SUGCT: variants seen among roughly 807,000 people sequenced by gnomAD.
SUGCT encodes succinyl-CoA:glutarate-CoA transferase.
SUGCT carries 41 observed loss-of-function variants against 55.0 expected under a neutral mutation model. The ratio of observed to expected loss-of-function variants is 0.74; its 90% CI spans 0.58 to 0.97. The LOEUF is 0.97. Ranked by LOEUF, SUGCT falls within the 50% of genes least tolerant of loss-of-function variation. SUGCT has a pLI of 0.00. For missense variants in SUGCT, 568 were observed against 547.8 expected (o/e 1.04, Z -0.37); for synonymous variants, 187 against 200.4 (o/e 0.93, Z 0.56).
chr7:40,589,864 C>T (rs1288776391), intron 12 of SUGCT, among the ~76,000 whole-genome samples: 1 of 152,166 alleles, frequency 6.6e-6, no homozygotes, highest in Non-Finnish European at 1.5e-5. Context: ...TTCTTTTGAT[C>T]TTTGCTCATT....
Position 40,545,471 on chromosome 7 carries a change from G to A in SUGCT, c.1089+49085G>A, listed in dbSNP as rs369981830. 1.8e-4 allele frequency among the ~76,000 whole-genome samples: 27 copies of A among 152,216 alleles called. No homozygotes were observed. In the East Asian group the frequency reaches 4.3e-3, roughly 24 times the overall value. On this transcript the variant is annotated intron_variant, in intron 12 of 13. Transcript: ENST00000335693. ...CTATTGCATTTTTCCTGGAGTTGAC[G>A]AGATGAGAAATCCTGACTTAATGGC...
At chr7:40,840,530 G>T (rs1793224132) in intron 13 of SUGCT, among the ~76,000 whole-genome samples, 1 of 150,300 alleles carries the variant, frequency 6.7e-6, no homozygotes, top group South Asian at 2.1e-4. Flanking sequence ...AATATAACAT[G>T]TCAAAATTTG....
intron 9 of SUGCT, among the ~76,000 whole-genome samples, chr7:40,360,959 C>T (rs1189713774): frequency 6.6e-6 from 1 of 152,056 alleles, no homozygotes; most frequent in Non-Finnish European, 1.5e-5. Context: ...GATGAAGAGA[C>T]AGCAAACAGG....
chr7:40,243,355 CATA>C lies in SUGCT; in HGVS notation c.576+5634_576+5636del, dbSNP rs1209103966. ...ATATGTGTAATGTTGTATTAGGTAC[CATA>C]ATAAGTTACTCTGTAAGGAATTTTT... On this transcript the variant is annotated intron_variant, in intron 7 of 13. Transcript: ENST00000335693. Among the ~76,000 whole-genome samples the C allele has an allele frequency of 5.9e-5, 9 of 151,744 alleles. No homozygotes were observed. The South Asian group carries it at 1.9e-3, about 32-fold the overall frequency.
intron 12 of SUGCT, chr7:40,538,267 A>G: frequency 6.6e-6 from 1 of 152,332 alleles, no homozygotes; most frequent in Middle Eastern, 3.4e-3. Context: ...GAGCATTAAT[A>G]ATGTTTAATG....
rs192487948 is a variant in SUGCT, at chr7:40,194,996, A to C, written c.420A>C (p.Ala140=). 23 of 1,613,926 alleles carry C rather than the reference A, an allele frequency of 1.4e-5. No individual in the cohort carries two copies. Residue 140 remains alanine (A), a synonymous_variant, in exon 6 of 14, where the codon GCA becomes GCC. Coordinates refer to ENST00000335693, the MANE Select transcript of SUGCT (RefSeq NM_001193313.2). ...VENYVPGKLS[A]MGLGYEDIDE... ...ACTATGTCCCTGGCAAACTGTCTGC[A>C]ATGGGCCTGGGATATGAAGATATAG...
chr7:40,194,923 T>G lies in SUGCT; in HGVS notation c.364-17T>G. The G allele has an allele frequency of 6.2e-7, 1 of 1,609,828 alleles. No individual in the cohort carries two copies. The highest frequency in any genetic ancestry group is 8.5e-7 in the Non-Finnish European group (1 of 1,178,168). On this transcript the variant is annotated splice_polypyrimidine_tract_variant and intron_variant, in intron 5 of 13. Transcript: ENST00000335693. ...TTGTTGAGTGGAAGTCTGACTCATG[T>G]TCACCTCTTCCATCAGCTTGCAGCT...
chr7:40,311,893 AACAC>A (rs944833960), intron 8 of SUGCT, among the ~76,000 whole-genome samples: 2 of 152,188 alleles, frequency 1.3e-5, no homozygotes, highest in Non-Finnish European at 2.9e-5. Context: ...GTGCTATGGA[AACAC>A]ACAAAGGGTT....
chr7:40,823,134 A>G (rs1792115106), intron 13 of SUGCT, among the ~76,000 whole-genome samples: 1 of 152,180 alleles, frequency 6.6e-6, no homozygotes. Flanking sequence ...CTGCCATTGT[A>G]TCATCTTAGT....
chr7:40,655,611 AGG>A (rs1487181559), intron 12 of SUGCT, among the ~76,000 whole-genome samples: 4 of 152,220 alleles, frequency 2.6e-5, no homozygotes, highest in Non-Finnish European at 5.9e-5. Flanking sequence ...CTTTAATGCC[AGG>A]GACAGTGATT....
chr7:40,569,918 T>G (rs987472237), intron 12 of SUGCT, among the ~76,000 whole-genome samples: 4 of 152,234 alleles, frequency 2.6e-5, no homozygotes, highest in Non-Finnish European at 5.9e-5. Context: ...CAAAAATTTA[T>G]GCGATTATTC....
At chr7:40,304,951 G>T (rs1357592160) in intron 8 of SUGCT, among the ~76,000 whole-genome samples, 2 of 152,156 alleles carry the variant, frequency 1.3e-5, no homozygotes, top group Non-Finnish European at 2.9e-5. Flanking sequence ...GGGAAGGTTT[G>T]CTATTTCTTT....
chr7:40,204,614 A>G (rs1322321306), intron 6 of SUGCT, among the ~76,000 whole-genome samples: 2 of 151,496 alleles, frequency 1.3e-5, no homozygotes, highest in Non-Finnish European at 2.9e-5. Context: ...GGAATTCTTT[A>G]TGAAACTGTG....
chr7:40,592,072 G>T (rs920124999), intron 12 of SUGCT, among the ~76,000 whole-genome samples: 6 of 152,130 alleles, frequency 3.9e-5, no homozygotes, highest in Non-Finnish European at 8.8e-5. Flanking sequence ...CAAAAAGACA[G>T]AATTTTTTTA....
At chr7:40,340,025 G>T (rs766861385) in intron 9 of SUGCT, among the ~76,000 whole-genome samples, 1 of 152,162 alleles carries the variant, frequency 6.6e-6, no homozygotes, top group Non-Finnish European at 1.5e-5. Context: ...GGGATATCAG[G>T]AGCTTCTTAG....
At chr7:40,945,398 A>G in the SUGCT span, among the ~76,000 whole-genome samples, 1 of 152,192 alleles carries the variant, frequency 6.6e-6, no homozygotes, top group African/African-American at 2.4e-5. Flanking sequence ...TCTACCCCTC[A>G]TGCAAGCCTG....
chr7:40,985,589 T>TAA, the SUGCT span, among the ~76,000 whole-genome samples: 3 of 152,176 alleles, frequency 2.0e-5, no homozygotes, highest in Admixed American at 6.5e-5. Flanking sequence ...GGCTGAAGGG[T>TAA]AAAAGCCTGC....
intron 12 of SUGCT, among the ~76,000 whole-genome samples, chr7:40,692,982 GA>G (rs2128653038): frequency 6.6e-6 from 1 of 152,304 alleles, no homozygotes; most frequent in South Asian, 2.1e-4. Context: ...GGTCATCTTT[GA>G]AATCATATTA....
intron 9 of SUGCT, among the ~76,000 whole-genome samples, chr7:40,447,150 T>A (rs1040795270): frequency 2.6e-5 from 4 of 152,230 alleles, no homozygotes; most frequent in African/African-American, 9.6e-5. Context: ...ACTAGTGTTT[T>A]TTTCTGTCTT....
Sources: gnomAD v4.1 joint callset for allele counts (sites outside exome capture counted in the v4.1 genomes callset) on GRCh38, gnomAD v4.1.1 for gene constraint, MANE v1.5 for transcripts, NCBI Gene and HGNC (gene_info 2026-07-23, HGNC 2026-07-21) for gene names.